Variants in ENAH observed in about 807,000 individuals in gnomAD.
ENAH encodes ENAH actin regulator.
Under a neutral mutation model 78.7 loss-of-function variants are expected in ENAH, and 23 were observed. The ratio of observed to expected loss-of-function variants is 0.29; its 90% CI spans 0.21 to 0.41. The LOEUF is 0.41. Ranked by LOEUF, ENAH falls within the 10% of genes least tolerant of loss-of-function variation. The probability of loss-of-function intolerance (pLI) is 1.00; values close to 1 mark genes in which losing one functional copy is unlikely to be tolerated. For synonymous variants in ENAH, 226 were observed against 241.0 expected (o/e 0.94, Z 0.58); for missense variants, 544 against 691.0 (o/e 0.79, Z 2.39).
chr1:225,540,597 A>C (rs1052804876), intron 3 of ENAH, among the ~76,000 whole-genome samples: 1 of 152,074 alleles, frequency 6.6e-6, no homozygotes, highest in African/African-American at 2.4e-5. Flanking sequence ...ACATTTCCAC[A>C]ATTTGGTCAA....
chr1:225,608,534 G>A (rs1457901300), intron 1 of ENAH, among the ~76,000 whole-genome samples: 2 of 151,836 alleles, frequency 1.3e-5, no homozygotes, highest in Non-Finnish European at 2.9e-5. Flanking sequence ...GGGTCTTGGA[G>A]GCCAGGCACC....
intron 6 of ENAH, among the ~76,000 whole-genome samples, 184 bp downstream of exon 6, chr1:225,517,012 A>C (rs898432080): frequency 6.6e-6 from 1 of 152,152 alleles, no homozygotes; most frequent in African/African-American, 2.4e-5. Context: ...AAATGCAATT[A>C]ATCCAACAGG....
At chr1:225,569,312 GATA>G (rs1165230948) in intron 1 of ENAH, among the ~76,000 whole-genome samples, 11 of 152,280 alleles carry the variant, frequency 7.2e-5, no homozygotes, top group African/African-American at 2.6e-4. Context: ...AGATTCAAGA[GATA>G]ATGTCTTGGG....
rs142544589 is a variant in ENAH, at chr1:225,559,576, C to T, written c.172-4493G>A. 2.1e-4 allele frequency among the ~76,000 whole-genome samples: 32 copies of T among 152,180 alleles called. No homozygotes were observed. In the East Asian group the frequency reaches 5.8e-3, roughly 28 times the overall value. ...GAAATATCTGGTTCCAAAATGGCAG[C>T]GCAGAAGCAAGCTATGGCAAAAACC... On this transcript the variant is annotated intron_variant, in intron 2 of 13. Transcript: ENST00000366843.
At chr1:225,536,581 T>C (rs1305822061) in intron 3 of ENAH, among the ~76,000 whole-genome samples, 1 of 151,716 alleles carries the variant, frequency 6.6e-6, no homozygotes, top group Non-Finnish European at 1.5e-5. Context: ...AGACAGTGTT[T>C]TAGATCTCCC....
intron 2 of ENAH, among the ~76,000 whole-genome samples, chr1:225,556,716 T>C (rs2096668891): frequency 6.6e-6 from 1 of 152,230 alleles, no homozygotes; most frequent in Non-Finnish European, 1.5e-5. Flanking sequence ...TTTTCCTTTA[T>C]AGTTACTGCT....
chr1:225,560,171 CTTTT>C (rs559062710), intron 2 of ENAH, among the ~76,000 whole-genome samples: 5 of 145,694 alleles, frequency 3.4e-5, no homozygotes, highest in Non-Finnish European at 6.1e-5. Flanking sequence ...CAAATCTGAA[CTTTT>C]TTTTTTTTTT....
At chr1:225,589,313 A>AAT (rs986162489) in intron 1 of ENAH, among the ~76,000 whole-genome samples, 6 of 152,176 alleles carry the variant, frequency 3.9e-5, no homozygotes, top group Admixed American at 1.3e-4. Flanking sequence ...AAAAGGAAAA[A>AAT]ATATATATAA....
intron 2 of ENAH, among the ~76,000 whole-genome samples, chr1:225,565,162 G>A (rs975343830): frequency 1.4e-4 from 21 of 152,220 alleles, no homozygotes; most frequent in African/African-American, 3.6e-4. Flanking sequence ...CGAGCCTGGC[G>A]CGGTGGCTCA....
Position 225,519,611 on chromosome 1 carries a change from C to T in ENAH, c.435-46G>A, listed in dbSNP as rs763540976. 27 of 1,562,618 alleles carry T rather than the reference C, an allele frequency of 1.7e-5. No homozygotes were observed. In the Admixed American group the frequency reaches 5.4e-4, roughly 31 times the overall value. ...GTAAAAACATGCATCTATGGCTACT[C>T]ATCATGAAAAAGCGATTCTTTTCAC... On this transcript the variant is annotated intron_variant, in intron 4 of 13. Coordinates refer to ENST00000366843, the MANE Select transcript of ENAH (RefSeq NM_018212.6).
Position 225,488,619 on chromosome 1 carries a change from CTCAT to C in ENAH, c.*9152_*9155del, listed in dbSNP as rs1277766887. On this transcript the variant is annotated 3_prime_UTR_variant, in exon 14 of 14. Transcript: ENST00000366843. ...TGTCTCAAAATAGAATTCTTTCTAG[CTCAT>C]TCAGTTTTGTTAGAAACACTTCATG... 2.0e-5 allele frequency: 3 copies of C among 152,176 alleles called. No homozygotes were observed. The highest frequency in any genetic ancestry group is 7.2e-5 in the African/African-American group (3 of 41,424). 9.4% of individuals were successfully genotyped at this position (152,176 alleles called of 1,614,324 possible).
intron 1 of ENAH, among the ~76,000 whole-genome samples, chr1:225,643,122 C>T (rs1661382658): frequency 6.6e-6 from 1 of 152,180 alleles, no homozygotes; most frequent in Non-Finnish European, 1.5e-5. Flanking sequence ...TCACGCAAGA[C>T]CTTAATAATT....
chr1:225,555,340 G>A (rs186136482), intron 2 of ENAH, among the ~76,000 whole-genome samples: 1 of 152,274 alleles, frequency 6.6e-6, no homozygotes, highest in Non-Finnish European at 1.5e-5. Flanking sequence ...CAGCACTTTG[G>A]GAGGGCTCGA....
chr1:225,513,036 CAT>C lies in ENAH; in HGVS notation c.1219-22_1219-21del. The C allele has an allele frequency of 6.3e-7, 1 of 1,584,732 alleles. No homozygotes were observed. The highest frequency in any genetic ancestry group is 8.6e-7 in the Non-Finnish European group (1 of 1,167,018). On this transcript the variant is annotated intron_variant, in intron 7 of 13. Coordinates refer to ENST00000366843, the MANE Select transcript of ENAH (RefSeq NM_018212.6). ...CTCCATCTTAATGAGAATATACAGACATAATCAACTCCTATGTTAGACAACCA... is the reference window on the plus strand; with the variant it reads ...CTCCATCTTAATGAGAATATACAGACAATCAACTCCTATGTTAGACAACCA...
chr1:225,529,374 CCTT>C (rs2096526606), intron 4 of ENAH, among the ~76,000 whole-genome samples: 1 of 148,740 alleles, frequency 6.7e-6, no homozygotes, highest in Non-Finnish European at 1.5e-5. Context: ...TTGGTTAATT[CCTT>C]CTTTTCATCT....
At chr1:225,618,556 T>G (rs1232789743) in intron 1 of ENAH, among the ~76,000 whole-genome samples, 1 of 152,194 alleles carries the variant, frequency 6.6e-6, no homozygotes, top group East Asian at 1.9e-4. Context: ...TAATACGTAG[T>G]TCACTGATCC....
chr1:225,625,816 T>G (rs909798046), intron 1 of ENAH, among the ~76,000 whole-genome samples: 3 of 152,184 alleles, frequency 2.0e-5, no homozygotes, highest in Non-Finnish European at 4.4e-5. Context: ...ACACCTGGCC[T>G]CCTGTATTTT....
chr1:225,619,448 G>A (rs1028640698), intron 1 of ENAH, among the ~76,000 whole-genome samples: 1 of 152,152 alleles, frequency 6.6e-6, no homozygotes, highest in Admixed American at 6.5e-5. Flanking sequence ...GGAGGCTGAG[G>A]CAGGAGAATC....
Position 225,512,965 on chromosome 1 carries a change from C to T in ENAH, c.1270G>A (p.Ala424Thr), listed in dbSNP as rs762902163. The T allele has an allele frequency of 9.9e-6, 16 of 1,613,704 alleles. No homozygotes were observed. The highest frequency in any genetic ancestry group is 2.2e-5 in the South Asian group (2 of 91,054). ...CGGCCTGTATCTGTTTTAGATGAGG[C>T]GGAGTTCACACCAATAGCATTCCCT... The part of the protein sequence containing the change: ...SGGNAIGVNS[A>T]SSKTDTGRGN... Residue 424 changes from alanine (A) to threonine (T), a missense_variant, in exon 8 of 14, where the codon GCC (alanine) becomes ACC (threonine). By Grantham distance (58) the Ala-to-Thr change is moderately conservative (BLOSUM62 0). Transcript: ENST00000366843.
Sources: allele counts gnomAD v4.1 joint callset (sites outside exome capture counted in the v4.1 genomes callset), GRCh38; gene constraint gnomAD v4.1.1; transcripts MANE v1.5; gene names NCBI Gene and HGNC (gene_info 2026-07-23, HGNC 2026-07-21).